The following SH3D19 variants were observed in gnomAD, a reference collection of about 807,000 sequenced individuals.
SH3D19 encodes the protein SH3 domain containing 19, also known as SH3 domain-containing protein 19.
SH3D19 carries 58 observed loss-of-function variants against 112.1 expected under a neutral mutation model. The observed-to-expected ratio is 0.52, with a 90% CI of 0.42 to 0.64. The LOEUF (loss-of-function observed/expected upper bound fraction) is 0.64. Among genes scored for constraint, SH3D19 ranks in the 30% least tolerant of loss-of-function variants. SH3D19 has a pLI of 0.00. For missense variants in SH3D19, 1,090 were observed against 1,263.4 expected (o/e 0.86, Z 2.08); for synonymous variants, 391 against 448.5 (o/e 0.87, Z 1.62).
intron 1 of SH3D19, among the ~76,000 whole-genome samples, chr4:151,277,415 A>C (rs187830615): frequency 2.0e-5 from 3 of 152,198 alleles, no homozygotes; most frequent in Admixed American, 1.3e-4. Flanking sequence ...GTACACACAC[A>C]CACCCACAAG....
chr4:151,247,375 G>C (rs1352182346), intron 1 of SH3D19, among the ~76,000 whole-genome samples: 1 of 152,160 alleles, frequency 6.6e-6, no homozygotes, highest in African/African-American at 2.4e-5. Context: ...CTGAAGGAGA[G>C]GGAAAGGAGG....
At chr4:151,256,776 A>G (rs1036648086) in intron 1 of SH3D19, among the ~76,000 whole-genome samples, 4 of 144,674 alleles carry the variant, frequency 2.8e-5, no homozygotes, top group East Asian at 2.0e-4. Context: ...GTCTTGCTCT[A>G]TTGCCCAGGC....
At chr4:151,132,150 A>C (rs7659146) in intron 17 of SH3D19, among the ~76,000 whole-genome samples, 181 bp downstream of exon 17, 1 of 152,156 alleles carries the variant, frequency 6.6e-6, no homozygotes, top group African/African-American at 2.4e-5. Flanking sequence ...ATCAGGGTTT[A>C]CATGTTTTTG....
chr4:151,258,223 CCTAAGGA>C (rs1772091988), intron 1 of SH3D19, among the ~76,000 whole-genome samples: 1 of 152,160 alleles, frequency 6.6e-6, no homozygotes, highest in African/African-American at 2.4e-5. Context: ...ATATTTGCTA[CCTAAGGA>C]AGGCTAAGAG....
chr4:151,127,670 G>C lies in SH3D19; in HGVS notation c.2975C>G (p.Ala992Gly), dbSNP rs1413116692. The change falls in exon 19 of 20, where the codon GCC becomes GGC. Residue 992 changes from alanine (A) to glycine (G), a missense_variant. Physicochemically the swap from Ala to Gly is moderately conservative, Grantham distance 60. Transcript: ENST00000604030. The stretch of plus-strand genomic sequence containing the variant: ...CCCTCGGAAATCATATAAGGCTTTG[G>C]CCTTCCTCCCCTTCGGTACTATGGC... ...MLAIVPKGRK[A>G]KALYDFRGEN... The C allele has an allele frequency of 1.9e-6, 3 of 1,605,334 alleles. No homozygotes were observed. The African/African-American group carries it at 4.0e-5, about 22-fold the overall frequency.
intron 14 of SH3D19, among the ~76,000 whole-genome samples, chr4:151,136,872 A>G (rs74495526): frequency 2.2e-3 from 336 of 152,330 alleles, no homozygotes; most frequent in Admixed American, 4.2e-3. Flanking sequence ...ACTCAAATTC[A>G]TTTCTATTTG....
chr4:151,175,156 A>G lies in SH3D19; in HGVS notation c.1048T>C (p.Ser350Pro). 1 of 1,614,128 alleles carries G rather than the reference A, an allele frequency of 6.2e-7. No homozygotes were observed. Among genetic ancestry groups the G allele is most frequent in the Non-Finnish European group, 8.5e-7 (1 of 1,180,026 alleles). ...AANRASGEWD[S>P]GTENRLKVTS... is the part of the protein sequence containing the mutation. ...ACCTTGAGTCTGTTCTCAGTCCCAG[A>G]GTCCCACTCTCCAGAAGCTCTGTTA... is the stretch of plus-strand genomic sequence containing the variant. Residue 350 changes from serine to proline, a missense_variant, in exon 7 of 20, where the codon TCT becomes CCT. Physicochemically the swap from Ser to Pro is moderately conservative, Grantham distance 74. Transcript: ENST00000604030.
intron 7 of SH3D19, among the ~76,000 whole-genome samples, chr4:151,168,732 C>T (rs1561271240): frequency 6.6e-6 from 1 of 152,132 alleles, no homozygotes; most frequent in Non-Finnish European, 1.5e-5. Context: ...TGTGCCTGGC[C>T]TGAAGTGCTA....
chr4:151,251,773 T>G (rs1771427756), intron 1 of SH3D19, among the ~76,000 whole-genome samples: 1 of 152,156 alleles, frequency 6.6e-6, no homozygotes, highest in Admixed American at 6.5e-5. Context: ...GCAGCACTGG[T>G]GAACACACAA....
chr4:151,282,667 T>C (rs548623316), intron 1 of SH3D19, among the ~76,000 whole-genome samples: 126 of 152,294 alleles, frequency 8.3e-4, no homozygotes, highest in African/African-American at 2.6e-3. Context: ...CATAACTACC[T>C]CTCTCAAACA....
At chr4:151,150,794 A>T (rs1031990646) in intron 9 of SH3D19, among the ~76,000 whole-genome samples, 2 of 152,224 alleles carry the variant, frequency 1.3e-5, no homozygotes, top group Middle Eastern at 3.4e-3. Context: ...GAAGGGTCAA[A>T]CTGTTCCATT....
At chr4:151,150,975 T>C (rs973305641) in intron 9 of SH3D19, among the ~76,000 whole-genome samples, 35 of 150,264 alleles carry the variant, frequency 2.3e-4, no homozygotes, top group African/African-American at 8.1e-4. Context: ...TTTTTTTTTT[T>C]TTGGAGACAG....
At chr4:151,257,307 C>T (rs370055800) in intron 1 of SH3D19, among the ~76,000 whole-genome samples, 1 of 152,106 alleles carries the variant, frequency 6.6e-6, no homozygotes, top group Non-Finnish European at 1.5e-5. Flanking sequence ...AGGCTAGTCT[C>T]GAACTCCTGA....
intron 3 of SH3D19, among the ~76,000 whole-genome samples, chr4:151,179,907 T>C (rs1760577316): frequency 6.6e-6 from 1 of 152,188 alleles, no homozygotes; most frequent in South Asian, 2.1e-4. Flanking sequence ...TGAGACAGGG[T>C]CTCACCCTGT....
intron 9 of SH3D19, among the ~76,000 whole-genome samples, chr4:151,158,750 T>TA (rs1267493648): frequency 3.9e-5 from 6 of 151,916 alleles, no homozygotes; most frequent in East Asian, 1.9e-4. Flanking sequence ...ATATGTACTT[T>TA]AAAAAATCTC....
intron 2 of SH3D19, among the ~76,000 whole-genome samples, chr4:151,207,564 T>TA (rs1765295055): frequency 6.6e-6 from 1 of 152,210 alleles, no homozygotes; most frequent in Non-Finnish European, 1.5e-5. Context: ...TTTCTTCAGG[T>TA]AGCCAAAGGT....
chr4:151,154,068 TCTC>T (rs1224958011), intron 9 of SH3D19, among the ~76,000 whole-genome samples: 11 of 151,736 alleles, frequency 7.2e-5, no homozygotes, highest in Admixed American at 7.2e-4. Context: ...TTTATGCAAT[TCTC>T]CTGCCTCAGC....
chr4:151,169,254 C>T (rs1459646655), intron 7 of SH3D19, among the ~76,000 whole-genome samples: 1 of 152,086 alleles, frequency 6.6e-6, no homozygotes, highest in Non-Finnish European at 1.5e-5. Flanking sequence ...AACTGGCACT[C>T]AGATAGTGTA....
chr4:151,144,088 T>C (rs772792534), intron 11 of SH3D19, 38 bp from the exon 12 acceptor site: 2 of 1,592,212 alleles, frequency 1.3e-6, no homozygotes, highest in South Asian at 2.3e-5. Context: ...GCAATTATTA[T>C]TTAATAAAAC....
Sources: gnomAD v4.1 joint callset for allele counts (sites outside exome capture counted in the v4.1 genomes callset) on GRCh38, gnomAD v4.1.1 for gene constraint, MANE v1.5 for transcripts, NCBI Gene and HGNC (gene_info 2026-07-23, HGNC 2026-07-21) for gene names.